The following BCL11B variants were observed in gnomAD, a reference collection of about 807,000 sequenced individuals.
BCL11B encodes the protein B-cell lymphoma/leukemia 11B.
A neutral mutation model predicts 49.9 loss-of-function variants in BCL11B; 8 were observed. The ratio of observed to expected loss-of-function variants is 0.16; its 90% CI spans 0.09 to 0.29. The LOEUF is 0.29. BCL11B is among the 10% of genes least tolerant of loss of function. BCL11B has a pLI of 1.00. For synonymous variants in BCL11B, 739 were observed against 637.4 expected, an observed-to-expected ratio of 1.16 and a Z score of -2.40; for missense variants, 1,006 against 1,351.0, an observed-to-expected ratio of 0.74 and a Z score of 4.00.
At chr14:99,199,697 CACGT>C (rs1887313685) in intron 3 of BCL11B, among the ~76,000 whole-genome samples, 14 of 57,402 alleles carry the variant, frequency 2.4e-4, no homozygotes, top group African/African-American at 4.4e-4. Flanking sequence ...CGCGCGCGCG[CACGT>C]GCACGTGTGT....
intron 2 of BCL11B, among the ~76,000 whole-genome samples, chr14:99,254,749 G>T (rs568701512): frequency 6.6e-6 from 1 of 152,374 alleles, no homozygotes; most frequent in African/African-American, 2.4e-5. Flanking sequence ...GGCCAGGAGC[G>T]TGGGCAGCAG....
At chr14:99,240,545 C>T (rs1474772878) in intron 2 of BCL11B, among the ~76,000 whole-genome samples, 1 of 152,142 alleles carries the variant, frequency 6.6e-6, no homozygotes, top group African/African-American at 2.4e-5. Flanking sequence ...CAAAGTAGTT[C>T]CTTTAACTGA....
At chr14:99,199,679 T>TGCACGC (rs1416553945) in intron 3 of BCL11B, among the ~76,000 whole-genome samples, 1 of 69,906 alleles carries the variant, frequency 1.4e-5, no homozygotes, top group Non-Finnish European at 3.7e-5. Flanking sequence ...TGTGTGTGTG[T>TGCACGC]GTGTGCGCGC....
chr14:99,217,308 T>C (rs2139856747), intron 3 of BCL11B, among the ~76,000 whole-genome samples: 1 of 150,696 alleles, frequency 6.6e-6, no homozygotes, highest in East Asian at 2.0e-4. Context: ...ATACATACAC[T>C]TACATATACA....
chr14:99,244,303 A>C (rs571399811), intron 2 of BCL11B, among the ~76,000 whole-genome samples: 116 of 150,572 alleles, frequency 7.7e-4, no homozygotes, highest in African/African-American at 2.6e-3. Flanking sequence ...CCCCCCCCTC[A>C]CACACACACA....
At chr14:99,215,902 G>A (rs1433116977) in intron 3 of BCL11B, among the ~76,000 whole-genome samples, 1 of 152,160 alleles carries the variant, frequency 6.6e-6, no homozygotes, top group Admixed American at 6.6e-5. Context: ...AGAAAAGCAG[G>A]GAAGTAGGGG....
chr14:99,186,297 C>T (rs917954935), intron 3 of BCL11B, among the ~76,000 whole-genome samples: 2 of 152,210 alleles, frequency 1.3e-5, no homozygotes, highest in African/African-American at 4.8e-5. Context: ...AAGGCATGCA[C>T]ATCACCTGAG....
At chr14:99,188,911 G>A (rs1413373307) in intron 3 of BCL11B, among the ~76,000 whole-genome samples, 4 of 152,236 alleles carry the variant, frequency 2.6e-5, no homozygotes, top group East Asian at 1.9e-4. Context: ...TTGTCACCGA[G>A]CACAAAAGTC....
chr14:99,222,144 T>A (rs1000336263), intron 3 of BCL11B, among the ~76,000 whole-genome samples: 3 of 152,198 alleles, frequency 2.0e-5, no homozygotes, highest in Non-Finnish European at 2.9e-5. Context: ...ACCCCGACCC[T>A]GCCCTCAGGT....
chr14:99,238,998 T>C (rs910730091), intron 2 of BCL11B, among the ~76,000 whole-genome samples: 1 of 152,184 alleles, frequency 6.6e-6, no homozygotes, highest in Non-Finnish European at 1.5e-5. Flanking sequence ...TACATATGCA[T>C]GTGCACATAC....
intron 2 of BCL11B, among the ~76,000 whole-genome samples, chr14:99,245,889 G>A (rs1257566708): frequency 6.6e-6 from 1 of 152,104 alleles, no homozygotes; most frequent in African/African-American, 2.4e-5. Flanking sequence ...CAGGGAAGGG[G>A]GCTGGCCCGG....
rs1296671927 is a variant in BCL11B, at chr14:99,172,757, A to G, written c.*1394T>C. The G allele has an allele frequency of 1.4e-5, 3 of 216,632 alleles. No individual in the cohort carries two copies. Among genetic ancestry groups the G allele is most frequent in the African/African-American group, 6.7e-5 (3 of 44,468 alleles). 13.4% of individuals were successfully genotyped at this position (216,632 alleles called of 1,614,324 possible). On this transcript the variant is annotated 3_prime_UTR_variant, in exon 4 of 4. Coordinates refer to ENST00000357195, the MANE Select transcript of BCL11B (RefSeq NM_138576.4). Reference sequence around the variant, plus strand: ...TTAGAAGCCATTTAATTTAAATGCAAACAAAAGCTTTAAAGTGCGGGTCAA... The same window carrying G: ...TTAGAAGCCATTTAATTTAAATGCAGACAAAAGCTTTAAAGTGCGGGTCAA...
intron 2 of BCL11B, among the ~76,000 whole-genome samples, chr14:99,233,074 G>A (rs1888385365): frequency 6.6e-6 from 1 of 152,220 alleles, no homozygotes; most frequent in Non-Finnish European, 1.5e-5. Context: ...TTCAGCCTCA[G>A]ATGCTGAGGG....
chr14:99,234,797 G>A (rs773800229), intron 2 of BCL11B, among the ~76,000 whole-genome samples: 59 of 133,046 alleles, frequency 4.4e-4, no homozygotes, highest in East Asian at 2.3e-4. Context: ...ATAGCAAAGC[G>A]CCCTGCAAAG....
In BCL11B at chr14:99,175,951, C is replaced by G. The variant is rs200618487; in HGVS notation, c.885G>C (p.Thr295=). ...DSNPFNLLRM[T]GPILRDHPGF... is the part of the protein sequence containing the mutation. ...CCGGGTGGTCCCGCAGGATGGGGCC[C>G]GTCATGCGCAGCAGGTTGAAGGGGT... Residue 295 remains threonine, a synonymous_variant, in exon 4 of 4, where the codon ACG becomes ACC. Transcript: ENST00000357195. 248 of 1,458,792 alleles carry G rather than the reference C, an allele frequency of 1.7e-4. 1 individual carries two copies. In the East Asian group the frequency reaches 5.9e-3, roughly 35 times the overall value. 90.4% of individuals were successfully genotyped at this position (1,458,792 alleles called of 1,614,324 possible). A position where few individuals can be genotyped will look rare whatever the true frequency, so the allele number is the denominator to read the frequency against.
intron 3 of BCL11B, among the ~76,000 whole-genome samples, chr14:99,222,207 A>G (rs1216090973): frequency 2.0e-5 from 3 of 152,136 alleles, no homozygotes; most frequent in Admixed American, 1.3e-4. Flanking sequence ...AAAAACAACA[A>G]AGAACACCTC....
At chr14:99,185,371 A>C (rs900599654) in intron 3 of BCL11B, among the ~76,000 whole-genome samples, 4 of 149,920 alleles carry the variant, frequency 2.7e-5, no homozygotes, top group Admixed American at 6.7e-5. Context: ...CAGGAGGCGG[A>C]GGTTGCGGTG....
chr14:99,235,347 G>A (rs1041187335), intron 2 of BCL11B, among the ~76,000 whole-genome samples: 29 of 152,204 alleles, frequency 1.9e-4, no homozygotes, highest in Non-Finnish European at 3.7e-4. Flanking sequence ...GATCAAGGAA[G>A]GAGACAGCCA....
At chr14:99,220,629 A>G (rs1210828937) in intron 3 of BCL11B, among the ~76,000 whole-genome samples, 1 of 152,144 alleles carries the variant, frequency 6.6e-6, no homozygotes, top group Non-Finnish European at 1.5e-5. Flanking sequence ...GTTTGGGATG[A>G]TGGAAAAGCT....
Sources: gnomAD v4.1 joint callset for allele counts (sites outside exome capture counted in the v4.1 genomes callset) on GRCh38, gnomAD v4.1.1 for gene constraint, MANE v1.5 for transcripts, NCBI Gene and HGNC (gene_info 2026-07-23, HGNC 2026-07-21) for gene names.